Variants in PPFIA1 observed in about 807,000 individuals in gnomAD.
The protein encoded by PPFIA1 is PPFI scaffold protein A1.
In PPFIA1, 25 loss-of-function variants were observed where a neutral mutation model predicts 149.9. The observed-to-expected ratio is 0.17, with a 90% CI of 0.12 to 0.23. PPFIA1 has a LOEUF of 0.23. Among genes scored for constraint, PPFIA1 ranks in the 10% least tolerant of loss-of-function variants. The pLI is 1.00. For synonymous variants in PPFIA1, 549 were observed against 552.8 expected (o/e 0.99, Z 0.10); for missense variants, 1,362 against 1,506.5 (o/e 0.90, Z 1.59).
chr11:70,374,345 G>T (rs1373610248), intron 23 of PPFIA1: 1 of 152,206 alleles, frequency 6.6e-6, no homozygotes, highest in Non-Finnish European at 1.5e-5. Flanking sequence ...ATCCAGCCTG[G>T]GTGACAGAGC....
At chr11:70,291,482 CCT>C (rs2136213248) in intron 2 of PPFIA1, among the ~76,000 whole-genome samples, 1 of 152,238 alleles carries the variant, frequency 6.6e-6, no homozygotes, top group South Asian at 2.1e-4. Context: ...ACTTAGCAGC[CCT>C]GTGGCTCAGC....
At chr11:70,346,295 G>C (rs2055702924) in intron 15 of PPFIA1, among the ~76,000 whole-genome samples, 1 of 152,148 alleles carries the variant, frequency 6.6e-6, no homozygotes, top group South Asian at 2.1e-4. Flanking sequence ...TCCTGCAGCA[G>C]GTCTGGGTGG....
chr11:70,368,053 G>A (rs113394016), intron 21 of PPFIA1, among the ~76,000 whole-genome samples: 1 of 152,230 alleles, frequency 6.6e-6, no homozygotes, highest in Non-Finnish European at 1.5e-5. Flanking sequence ...CTGGAAAATC[G>A]CTTGAGCCCG....
intron 19 of PPFIA1, among the ~76,000 whole-genome samples, chr11:70,361,109 A>G (rs2056620441): frequency 6.6e-6 from 1 of 152,228 alleles, no homozygotes; most frequent in South Asian, 2.1e-4. Flanking sequence ...AGAGGGAGTC[A>G]TTCAGTATTT....
chr11:70,335,918 C>A (rs1216170416), intron 11 of PPFIA1, among the ~76,000 whole-genome samples: 9 of 152,208 alleles, frequency 5.9e-5, no homozygotes, highest in African/African-American at 2.2e-4. Flanking sequence ...GTTTATCATT[C>A]TTATTCTCTA....
At chr11:70,318,378 C>T (rs1380668822) in intron 2 of PPFIA1, among the ~76,000 whole-genome samples, 1 of 152,176 alleles carries the variant, frequency 6.6e-6, no homozygotes, top group Non-Finnish European at 1.5e-5. Flanking sequence ...TGTCGTCTGC[C>T]CTCTTTCCCT....
In PPFIA1 at chr11:70,362,461, C is replaced by G; in HGVS notation, c.2838C>G (p.Ser946Arg). The change falls in exon 21 of 28, where the codon AGC (serine) becomes AGG (arginine). Residue 946 changes from serine (S) to arginine (R), a missense_variant. Around this residue, in one of 7 missense-constraint regions of PPFIA1, gnomAD observed 349 missense variants for 373.3 expected, o/e 0.93. Transcript: ENST00000253925. Reference sequence around the variant, plus strand: ...TCCAGGAGATCATGTCGCTGACCAGCCCGTCTGCCCCGCCCACATCTAGAA... The same window carrying G: ...TCCAGGAGATCATGTCGCTGACCAGGCCGTCTGCCCCGCCCACATCTAGAA... ...LAIQEIMSLT[S>R]PSAPPTSRTT... 6.2e-7 allele frequency: 1 copy of G among 1,613,626 alleles called. No homozygotes were observed. The highest frequency in any genetic ancestry group is 8.5e-7 in the Non-Finnish European group (1 of 1,179,722).
chr11:70,348,364 C>T lies in PPFIA1; in HGVS notation c.2107C>T (p.Arg703Ter). The T allele has an allele frequency of 6.2e-7, 1 of 1,614,114 alleles. No individual in the cohort carries two copies. The highest frequency in any genetic ancestry group is 8.5e-7 in the Non-Finnish European group (1 of 1,179,974). The change falls in exon 16 of 28, where the codon CGA (arginine) becomes TGA (stop). Residue 703 changes from arginine to a stop codon, truncating the protein, a stop_gained. Coordinates refer to ENST00000253925, the MANE Select transcript of PPFIA1 (RefSeq NM_003626.5). LOFTEE classifies it high-confidence loss of function. ...SPPGSGRSTP[R>*]RIPHSPAREV... Reference sequence around the variant, plus strand: ...TCCGGGCAGTGGGCGCTCCACCCCACGAAGGATCCCTCACAGCCCAGCTCG... The same window carrying T: ...TCCGGGCAGTGGGCGCTCCACCCCATGAAGGATCCCTCACAGCCCAGCTCG...
chr11:70,368,542 A>G (rs956076434), intron 21 of PPFIA1, among the ~76,000 whole-genome samples: 3 of 152,212 alleles, frequency 2.0e-5, no homozygotes, highest in Admixed American at 2.0e-4. Context: ...ATGTGTGTGT[A>G]TAGAATGTGT....
intron 19 of PPFIA1, among the ~76,000 whole-genome samples, chr11:70,358,856 G>T (rs548771386): frequency 3.9e-5 from 6 of 152,188 alleles, no homozygotes; most frequent in Non-Finnish European, 7.3e-5. Flanking sequence ...AGAGCCATTC[G>T]TCAGCTTTGA....
intron 21 of PPFIA1, chr11:70,365,316 C>T (rs550132525): frequency 2.2e-6 from 1 of 452,162 alleles, no homozygotes; most frequent in South Asian, 1.6e-5. Context: ...TGCCCCTCTC[C>T]TCTTTGTCAC....
chr11:70,379,074 C>A (rs961248950), intron 26 of PPFIA1, among the ~76,000 whole-genome samples: 1 of 152,098 alleles, frequency 6.6e-6, no homozygotes, highest in African/African-American at 2.4e-5. Flanking sequence ...AGAGTAGTTG[C>A]GATGATTGAA....
At chr11:70,291,234 C>T (rs900848833) in intron 2 of PPFIA1, among the ~76,000 whole-genome samples, 2 of 152,154 alleles carry the variant, frequency 1.3e-5, no homozygotes, top group African/African-American at 4.8e-5. Flanking sequence ...GCAGTCTCTT[C>T]CACCTTAAAA....
intron 26 of PPFIA1, among the ~76,000 whole-genome samples, chr11:70,379,804 ATT>A (rs1367246927): frequency 6.6e-6 from 1 of 152,224 alleles, no homozygotes. Context: ...ACTTTGTGGC[ATT>A]TTTAGTAAAA....
At chr11:70,351,963 G>T (rs141716169) in intron 16 of PPFIA1, among the ~76,000 whole-genome samples, 235 of 152,338 alleles carry the variant, frequency 1.5e-3, no homozygotes, top group African/African-American at 5.5e-3. Flanking sequence ...ATTAGGAGGA[G>T]ATCTGCTCAG....
chr11:70,332,763 C>A (rs1290034513), intron 9 of PPFIA1, among the ~76,000 whole-genome samples: 5 of 152,208 alleles, frequency 3.3e-5, no homozygotes, highest in Non-Finnish European at 7.3e-5. Context: ...GAGCCCAGCA[C>A]TGCAGTGCCA....
intron 7 of PPFIA1, 66 bp from the exon 8 acceptor site, chr11:70,330,107 T>G (rs1313397204): frequency 1.1e-5 from 15 of 1,414,872 alleles, no homozygotes; most frequent in Admixed American, 2.4e-5. Flanking sequence ...TTTTTCTCTC[T>G]TAAGTATCTT....
At chr11:70,339,410 C>T in intron 14 of PPFIA1, 104 bp downstream of exon 14, 1 of 1,287,284 alleles carries the variant, frequency 7.8e-7, no homozygotes. Flanking sequence ...TCATTGCTTT[C>T]TTGCCCTCCT....
chr11:70,278,067 C>T (rs1290406840), intron 2 of PPFIA1, among the ~76,000 whole-genome samples: 3 of 152,010 alleles, frequency 2.0e-5, no homozygotes, highest in Admixed American at 1.3e-4. Flanking sequence ...CGTGCCACCA[C>T]GCCCAGCTAA....
Sources: allele counts gnomAD v4.1 joint callset (sites outside exome capture counted in the v4.1 genomes callset), GRCh38; gene constraint gnomAD v4.1.1; regional missense constraint gnomAD v4.1.1; transcripts MANE v1.5; gene names NCBI Gene and HGNC (gene_info 2026-07-23, HGNC 2026-07-21).